The following EAPP variants were observed in gnomAD, a reference collection of about 807,000 sequenced individuals.
The protein encoded by EAPP is E2F-associated phosphoprotein.
EAPP carries 38 observed loss-of-function variants against 34.3 expected under a neutral mutation model. The observed-to-expected ratio is 1.11, with a 90% CI of 0.85 to 1.45. The LOEUF (loss-of-function observed/expected upper bound fraction) is 1.45. Ranked by LOEUF, EAPP falls within the 40% of genes most tolerant of loss-of-function variation. The pLI is 0.00. For synonymous variants in EAPP, 113 were observed against 117.6 expected (o/e 0.96, Z 0.25); for missense variants, 338 against 343.7 (o/e 0.98, Z 0.13).
chr14:34,524,342 T>C (rs1446955842), intron 5 of EAPP, among the ~76,000 whole-genome samples: 1 of 152,088 alleles, frequency 6.6e-6, no homozygotes, highest in East Asian at 1.9e-4. Context: ...CGAGCCAAGA[T>C]TGCACCACTA....
chr14:34,530,904 CAAAAAAAAAAA>C lies in EAPP; in HGVS notation c.353-1440_353-1430del, dbSNP rs780101001. Among the ~76,000 whole-genome samples the C allele has an allele frequency of 8.6e-3, 475 of 55,220 alleles. 4 individuals carry two copies. Among genetic ancestry groups the C allele is most frequent in the African/African-American group, 0.032 (455 of 14,324 alleles). 36.2% of individuals were successfully genotyped at this position (55,220 alleles called of 152,430 possible). On this transcript the variant is annotated intron_variant, in intron 3 of 5. Transcript: ENST00000250454. Reference sequence around the variant, plus strand: ...CAACAAAGCAAGACCCAATCTTTACCAAAAAAAAAAAAAAAAAAAAAAGAAAGAAAGAAAGG... The same window carrying C: ...CAACAAAGCAAGACCCAATCTTTACCAAAAAAAAAAAGAAAGAAAGAAAGG...
chr14:34,519,052 A>G (rs773499222), intron 5 of EAPP, among the ~76,000 whole-genome samples: 5 of 152,062 alleles, frequency 3.3e-5, no homozygotes, highest in Non-Finnish European at 7.4e-5. Context: ...GTAATCTCCA[A>G]TGTTGGAGGT....
chr14:34,516,606 G>A lies in EAPP; in HGVS notation c.582-20C>T. On this transcript the variant is annotated intron_variant, in intron 5 of 5. Transcript: ENST00000250454. ...TCATGCCTAAGAGAAAAATGAAATG[G>A]AGAATTGGGGTTTATGTTCTATGTT... is the stretch of plus-strand genomic sequence containing the variant. 1 of 1,590,828 alleles carries A rather than the reference G, an allele frequency of 6.3e-7. No homozygotes were observed. Among genetic ancestry groups the A allele is most frequent in the Non-Finnish European group, 8.5e-7 (1 of 1,170,958 alleles).
chr14:34,538,830 A>C (rs750766432), intron 1 of EAPP, among the ~76,000 whole-genome samples: 3 of 152,228 alleles, frequency 2.0e-5, no homozygotes, highest in Non-Finnish European at 4.4e-5. Flanking sequence ...ATTTGTGTGG[A>C]AATATCTCGG....
intron 5 of EAPP, among the ~76,000 whole-genome samples, chr14:34,523,101 G>C (rs1879970750): frequency 1.3e-5 from 2 of 152,082 alleles, no homozygotes; most frequent in Admixed American, 6.6e-5. Context: ...TGTGGCCCTA[G>C]AAACTGTCTC....
rs757861101 is a variant in EAPP, at chr14:34,516,377, G to A, written c.791C>T (p.Thr264Ile). 11 of 1,614,160 alleles carry A rather than the reference G, an allele frequency of 6.8e-6. No homozygotes were observed. The highest frequency in any genetic ancestry group is 8.5e-6 in the Non-Finnish European group (10 of 1,180,038). Residue 264 changes from threonine (T) to isoleucine (I), a missense_variant, in exon 6 of 6, where the codon ACT becomes ATT. Physicochemically the swap from Thr to Ile is moderately conservative, Grantham distance 89 (BLOSUM62 -1). Transcript: ENST00000250454. Reference protein sequence around the residue: ...YHPVMCTECSTEVAVYDKDEV... With the variant: ...YHPVMCTECSIEVAVYDKDEV... ...ATCCTTGTCGTAGACTGCCACTTCA[G>A]TGGAACATTCAGTGCACATGACTGG...
At chr14:34,530,561 A>G (rs1335603366) in intron 3 of EAPP, among the ~76,000 whole-genome samples, 1 of 152,006 alleles carries the variant, frequency 6.6e-6, no homozygotes, top group Non-Finnish European at 1.5e-5. Context: ...AATTTAAAAA[A>G]TAAAGTTCTT....
chr14:34,527,491 T>C (rs777845158), intron 4 of EAPP, among the ~76,000 whole-genome samples: 1 of 151,924 alleles, frequency 6.6e-6, no homozygotes, highest in Non-Finnish European at 1.5e-5. Context: ...ACTGCACCAC[T>C]GCACTCCAGC....
At chr14:34,529,537 TG>T in intron 3 of EAPP, 62 bp from the exon 4 acceptor site, 1 of 1,175,150 alleles carries the variant, frequency 8.5e-7, no homozygotes, top group Non-Finnish European at 1.2e-6. Context: ...CTTCTTTAAA[TG>T]AAGAGTCTCA....
rs1879725771 is a variant in EAPP, at chr14:34,516,473, TGGACCCGCC to T, written c.686_694del (p.Arg229_His232delinsAsn). On this transcript the variant is annotated inframe_deletion, in exon 6 of 6. Coordinates refer to ENST00000250454, the MANE Select transcript of EAPP (RefSeq NM_018453.4). ...TTCCCGGTTAGACCTCATCTTCTTA[TGGACCCGCC>T]TTTTCTTCCTGTTCTCTGAGGCTTT... 9.9e-6 allele frequency: 16 copies of T among 1,614,102 alleles called. No homozygotes were observed. The highest frequency in any genetic ancestry group is 5.0e-5 in the Admixed American group (3 of 59,986).
intron 5 of EAPP, among the ~76,000 whole-genome samples, chr14:34,516,940 CT>C (rs11432394): frequency 2.4e-4 from 33 of 139,796 alleles, no homozygotes; most frequent in South Asian, 2.3e-4. Context: ...TTGAAAGTAA[CT>C]TTTTTTTTTT....
intron 1 of EAPP, among the ~76,000 whole-genome samples, chr14:34,538,627 G>A (rs1290521383): frequency 1.3e-5 from 2 of 151,150 alleles, no homozygotes; most frequent in Non-Finnish European, 2.9e-5. Flanking sequence ...ATGTTGCCCA[G>A]GCTGTTCCTT....
chr14:34,517,512 G>A (rs1462551193), intron 5 of EAPP, among the ~76,000 whole-genome samples: 3 of 151,960 alleles, frequency 2.0e-5, no homozygotes, highest in Non-Finnish European at 4.4e-5. Context: ...GCCTCCTAAA[G>A]TGCTGGGATT....
intron 4 of EAPP, among the ~76,000 whole-genome samples, chr14:34,526,377 G>A (rs1198792109): frequency 2.0e-5 from 3 of 151,834 alleles, no homozygotes; most frequent in East Asian, 3.9e-4. Context: ...ACAGTGAGCC[G>A]AAATTGCGAT....
rs184256299 is a variant in EAPP, at chr14:34,531,441, G to T, written c.353-1966C>A. ...CACAGTGAAACCCCATCTCTACTAA[G>T]AATGCAAAAATTTAGCCGGGCGTGG... is the stretch of plus-strand genomic sequence containing the variant. On this transcript the variant is annotated intron_variant, in intron 3 of 5. Coordinates refer to ENST00000250454, the MANE Select transcript of EAPP (RefSeq NM_018453.4). Among the ~76,000 whole-genome samples the T allele has an allele frequency of 9.8e-4, 147 of 150,724 alleles. 1 individual carries two copies. Among genetic ancestry groups the T allele is most frequent in the Admixed American group, 9.0e-3 (136 of 15,112 alleles).
intron 5 of EAPP, among the ~76,000 whole-genome samples, chr14:34,523,307 G>A (rs181789457): frequency 7.5e-5 from 11 of 146,956 alleles, no homozygotes; most frequent in East Asian, 2.1e-4. Context: ...GCGTGACCTC[G>A]GCTCACTGTA....
chr14:34,522,628 T>C (rs1879955584), intron 5 of EAPP, among the ~76,000 whole-genome samples: 1 of 152,248 alleles, frequency 6.6e-6, no homozygotes, highest in African/African-American at 2.4e-5. Flanking sequence ...CTTTTTCCTT[T>C]CTTCCCACTA....
At chr14:34,518,929 C>T (rs910350798) in intron 5 of EAPP, among the ~76,000 whole-genome samples, 3 of 152,124 alleles carry the variant, frequency 2.0e-5, no homozygotes, top group Non-Finnish European at 4.4e-5. Context: ...CAGCCACTGT[C>T]TGCCTTTAAA....
chr14:34,518,469 G>A (rs1023652126), intron 5 of EAPP, among the ~76,000 whole-genome samples: 1 of 150,696 alleles, frequency 6.6e-6, no homozygotes, highest in Non-Finnish European at 1.5e-5. Context: ...TGAGTAGCTA[G>A]ATTACAGGCA....
Sources: gnomAD v4.1 joint callset for allele counts (sites outside exome capture counted in the v4.1 genomes callset) on GRCh38, gnomAD v4.1.1 for gene constraint, MANE v1.5 for transcripts, NCBI Gene and HGNC (gene_info 2026-07-23, HGNC 2026-07-21) for gene names.